Variants in MRAS observed in about 807,000 individuals in gnomAD.
MRAS encodes the protein ras-related protein M-Ras.
In MRAS, 4 loss-of-function variants were observed where a neutral mutation model predicts 20.9. That is an observed-to-expected ratio of 0.19 (90% CI 0.09 to 0.44). The LOEUF is 0.44. Among genes scored for constraint, MRAS ranks in the 20% least tolerant of loss-of-function variants. MRAS has a pLI of 0.99. For synonymous variants in MRAS, 98 were observed against 102.9 expected (o/e 0.95, Z 0.29); for missense variants, 154 against 277.5 (o/e 0.56, Z 3.16).
rs2055286331 is a variant in MRAS at position 138,398,402 on chromosome 3, G to A, written c.348-67G>A. On this transcript the variant is annotated intron_variant, in intron 3 of 5. Coordinates refer to ENST00000423968, the MANE Select transcript of MRAS (RefSeq NM_001085049.3). ...GCTGTGCTATGCCTGAGATGTGAAT[G>A]TGCCACCTTAACCAGGTGTGAGGGG... is the stretch of plus-strand genomic sequence containing the variant. 11 of 1,338,776 alleles carry A rather than the reference G, an allele frequency of 8.2e-6. No individual in the cohort carries two copies. In the South Asian group the frequency reaches 1.3e-4, roughly 16 times the overall value. 82.9% of individuals were successfully genotyped at this position (1,338,776 alleles called of 1,614,324 possible). A position where few individuals can be genotyped will look rare whatever the true frequency, so the allele number is the denominator to read the frequency against.
Position 138,402,335 on chromosome 3 carries a change from C to G in MRAS, c.*66C>G. 7.4e-7 allele frequency: 1 copy of G among 1,352,522 alleles called. No individual in the cohort carries two copies. Among genetic ancestry groups the G allele is most frequent in the Non-Finnish European group, 1.0e-6 (1 of 953,586 alleles). 83.8% of individuals were successfully genotyped at this position (1,352,522 alleles called of 1,614,324 possible). A position where few individuals can be genotyped will look rare whatever the true frequency, so the allele number is the denominator to read the frequency against. ...GCCCTCGGGACCCCTCCCCACCTAACTGCACTGAAACCATTTCTAACCACA... is the reference window on the plus strand; with the variant it reads ...GCCCTCGGGACCCCTCCCCACCTAAGTGCACTGAAACCATTTCTAACCACA... On this transcript the variant is annotated 3_prime_UTR_variant, in exon 6 of 6. Transcript: ENST00000423968.
At chr3:138,383,872 A>G (rs2108538298) in intron 2 of MRAS, among the ~76,000 whole-genome samples, 1 of 152,322 alleles carries the variant, frequency 6.6e-6, no homozygotes, top group East Asian at 1.9e-4. Flanking sequence ...AGGTCAGACA[A>G]GGTAAGGGAG....
chr3:138,396,651 C>T (rs2055242249), intron 2 of MRAS, among the ~76,000 whole-genome samples: 1 of 152,140 alleles, frequency 6.6e-6, no homozygotes, highest in Non-Finnish European at 1.5e-5. Flanking sequence ...GCGAGAGCAC[C>T]TGGGCAGGAG....
rs533918866 is a variant in MRAS at position 138,381,399 on chromosome 3, A to G, written c.193+8323A>G. Among the ~76,000 whole-genome samples the G allele has an allele frequency of 2.0e-5, 3 of 152,064 alleles. No homozygotes were observed. The East Asian group carries it at 5.8e-4, about 29-fold the overall frequency. ...GGAGAGCCAGGTTTTGGGCTTCTTG[A>G]CTCTGCCGAGCGTGTCCTCCACCCT... On this transcript the variant is annotated intron_variant, in intron 2 of 5. Transcript: ENST00000423968.
chr3:138,352,257 C>T (rs1156808118), intron 1 of MRAS, among the ~76,000 whole-genome samples: 2 of 152,160 alleles, frequency 1.3e-5, no homozygotes, highest in Non-Finnish European at 2.9e-5. Context: ...AGGAAGCATT[C>T]CCGCTACCTG....
At chr3:138,365,927 G>A (rs1259978480) in intron 1 of MRAS, among the ~76,000 whole-genome samples, 2 of 152,232 alleles carry the variant, frequency 1.3e-5, no homozygotes, top group African/African-American at 2.4e-5. Context: ...ATGGTTGGGT[G>A]GGTGGTTAGG....
chr3:138,353,220 T>C (rs1434586758), intron 1 of MRAS, among the ~76,000 whole-genome samples: 1 of 152,122 alleles, frequency 6.6e-6, no homozygotes, highest in East Asian at 1.9e-4. Flanking sequence ...TTAATGGATA[T>C]TTTGCCCAGA....
At chr3:138,398,017 A>G (rs2055277923) in intron 3 of MRAS, among the ~76,000 whole-genome samples, 2 of 152,240 alleles carry the variant, frequency 1.3e-5, no homozygotes, top group East Asian at 3.8e-4. Flanking sequence ...GCTGCCAAAT[A>G]CTCAATGCTG....
Position 138,402,737 on chromosome 3 carries a change from AG to A in MRAS, c.*472del, listed in dbSNP as rs2055387442. On this transcript the variant is annotated 3_prime_UTR_variant, in exon 6 of 6. Transcript: ENST00000423968. ...ATTTTAGTGATTATTATTTTATTAA[AG>A]GGGTCTGGGCTCACTGCCTGGTGAA... 6.5e-6 allele frequency: 1 copy of A among 153,352 alleles called. No individual in the cohort carries two copies. The highest frequency in any genetic ancestry group is 2.1e-4 in the South Asian group (1 of 4,836). The allele number at this position is 153,352 out of a possible 1,614,324, so 9.5% of individuals were successfully genotyped here.
chr3:138,398,406 C>T (rs956923687), intron 3 of MRAS, 63 bp from the exon 4 acceptor site: 2 of 1,406,136 alleles, frequency 1.4e-6, no homozygotes, highest in Non-Finnish European at 2.0e-6. Context: ...GTGAATGTGC[C>T]ACCTTAACCA....
chr3:138,360,612 C>T lies in MRAS; in HGVS notation c.-19+11845C>T, dbSNP rs936615236. Among the ~76,000 whole-genome samples, 8 of 152,344 alleles carry T rather than the reference C, an allele frequency of 5.3e-5. No homozygotes were observed. The South Asian group carries it at 8.3e-4, about 16-fold the overall frequency. On this transcript the variant is annotated intron_variant, in intron 1 of 5. Transcript: ENST00000423968. ...CACGGGTGTCCAGTGGGACTCCTCA[C>T]ATGGTATGTCCTTCGTGAGGCCTGC...
chr3:138,376,145 A>G (rs753564979), intron 2 of MRAS, among the ~76,000 whole-genome samples: 1 of 152,198 alleles, frequency 6.6e-6, no homozygotes, highest in Non-Finnish European at 1.5e-5. Context: ...ACTTTGAACA[A>G]TTTGAACAGG....
intron 1 of MRAS, among the ~76,000 whole-genome samples, chr3:138,372,594 C>G (rs577804562): frequency 6.6e-6 from 1 of 152,340 alleles, no homozygotes; most frequent in East Asian, 1.9e-4. Flanking sequence ...TTTGGCTATA[C>G]TTGCTAAACA....
At chr3:138,354,084 C>T (rs905890931) in intron 1 of MRAS, among the ~76,000 whole-genome samples, 4 of 152,218 alleles carry the variant, frequency 2.6e-5, no homozygotes, top group Non-Finnish European at 4.4e-5. Context: ...AGGGATGGAG[C>T]AGCCTGTGCA....
intron 2 of MRAS, among the ~76,000 whole-genome samples, chr3:138,385,665 G>A (rs552534637): frequency 9.7e-4 from 147 of 152,052 alleles, no homozygotes; most frequent in African/African-American, 3.4e-3. Flanking sequence ...GCAGGCGCCC[G>A]CCACCACACA....
In MRAS at chr3:138,397,412, C is replaced by T; in HGVS notation, c.282C>T (p.Val94=). Residue 94 remains valine, a synonymous_variant, in exon 3 of 6, where the codon GTC becomes GTT. Coordinates refer to ENST00000423968, the MANE Select transcript of MRAS (RefSeq NM_001085049.3). ...ATGGCTTCCTCATCGTCTACTCCGT[C>T]ACTGACAAGGCCAGCTTTGAGCACG... ...TGDGFLIVYS[V]TDKASFEHVD... The T allele has an allele frequency of 6.2e-7, 1 of 1,614,198 alleles. No individual in the cohort carries two copies. The highest frequency in any genetic ancestry group is 8.5e-7 in the Non-Finnish European group (1 of 1,180,030).
chr3:138,380,354 C>G (rs912079557), intron 2 of MRAS, among the ~76,000 whole-genome samples: 5 of 152,106 alleles, frequency 3.3e-5, no homozygotes, highest in Admixed American at 6.5e-5. Flanking sequence ...ACTCTGTCAC[C>G]CAGGCCGGAA....
chr3:138,391,577 C>T (rs148473894), intron 2 of MRAS, among the ~76,000 whole-genome samples: 269 of 152,126 alleles, frequency 1.8e-3, no homozygotes, highest in African/African-American at 5.9e-3. Context: ...ACAAAATTCT[C>T]GGAAATATTG....
chr3:138,357,471 G>A (rs2054359109), intron 1 of MRAS, among the ~76,000 whole-genome samples: 1 of 152,244 alleles, frequency 6.6e-6, no homozygotes, highest in Admixed American at 6.5e-5. Context: ...CTCTAGTCCA[G>A]TTATACTGGG....
Sources: allele counts gnomAD v4.1 joint callset (sites outside exome capture counted in the v4.1 genomes callset), GRCh38; gene constraint gnomAD v4.1.1; transcripts MANE v1.5; gene names NCBI Gene and HGNC (gene_info 2026-07-23, HGNC 2026-07-21).